Variants in TENM2 observed in about 807,000 individuals in gnomAD.
TENM2 encodes teneurin transmembrane protein 2.
A neutral mutation model predicts 245.2 loss-of-function variants in TENM2; 52 were observed. The ratio of observed to expected loss-of-function variants is 0.21; its 90% CI spans 0.17 to 0.27. The LOEUF (loss-of-function observed/expected upper bound fraction) is 0.27. Ranked by LOEUF, TENM2 falls within the 10% of genes least tolerant of loss-of-function variation. TENM2 has a pLI of 1.00. For missense variants in TENM2, 3,046 were observed against 3,666.8 expected (o/e 0.83, Z 4.37); for synonymous variants, 1,363 against 1,438.9 (o/e 0.95, Z 1.19).
At chr5:167,245,938 G>A in the TENM2 span, among the ~76,000 whole-genome samples, 1 of 152,230 alleles carries the variant, frequency 6.6e-6, no homozygotes, top group Non-Finnish European at 1.5e-5. Context: ...CCACTAAACT[G>A]GGGTACTCAG....
the TENM2 span, among the ~76,000 whole-genome samples, chr5:167,230,636 A>C: frequency 6.6e-6 from 1 of 152,056 alleles, no homozygotes; most frequent in African/African-American, 2.4e-5. Context: ...TATCCCCCCA[A>C]ATTTTGGTAT....
At chr5:167,965,456 C>A (rs1473503670) in intron 4 of TENM2, 1 of 152,058 alleles carries the variant, frequency 6.6e-6, no homozygotes, top group Non-Finnish European at 1.5e-5. Context: ...GTGGTTCATA[C>A]CTATAATCCC....
chr5:167,606,044 C>T (rs144568656), intron 2 of TENM2, among the ~76,000 whole-genome samples: 1 of 152,142 alleles, frequency 6.6e-6, no homozygotes, highest in Non-Finnish European at 1.5e-5. Flanking sequence ...CTTGTTAGAG[C>T]CCGGACTAAA....
intron 2 of TENM2, among the ~76,000 whole-genome samples, chr5:167,493,772 A>G (rs987782967): frequency 3.0e-4 from 46 of 152,116 alleles, no homozygotes; most frequent in African/African-American, 9.7e-4. Flanking sequence ...TTCGGCATAT[A>G]TGTTCATATA....
intron 9 of TENM2, among the ~76,000 whole-genome samples, chr5:168,111,405 G>A (rs1421054893): frequency 6.6e-6 from 1 of 152,114 alleles, no homozygotes; most frequent in African/African-American, 2.4e-5. Context: ...CAACTAAAGC[G>A]TCTGAGTACT....
chr5:167,486,913 G>T (rs575941497), intron 2 of TENM2, among the ~76,000 whole-genome samples: 1 of 152,230 alleles, frequency 6.6e-6, no homozygotes, highest in African/African-American at 2.4e-5. Context: ...AAAATCAAGT[G>T]AGCAATTATG....
intron 2 of TENM2, among the ~76,000 whole-genome samples, chr5:167,687,779 C>T (rs1757172149): frequency 6.6e-6 from 1 of 152,082 alleles, no homozygotes. Flanking sequence ...TCTCCTTTCC[C>T]TTTTTCTTTT....
At chr5:167,658,474 G>A (rs72821808) in intron 2 of TENM2, among the ~76,000 whole-genome samples, 4,675 of 152,126 alleles carry the variant, frequency 0.031, 131 homozygotes, top group Middle Eastern at 0.061. Context: ...TCCCAAAGTG[G>A]TGAAGCCTCT....
chr5:167,702,335 T>C (rs1431924121), intron 2 of TENM2, among the ~76,000 whole-genome samples: 6 of 152,006 alleles, frequency 3.9e-5, no homozygotes, highest in Non-Finnish European at 8.8e-5. Flanking sequence ...GGTTTTACTA[T>C]CATGTCTTTC....
At chr5:168,054,393 C>A (rs1442057484) in intron 6 of TENM2, among the ~76,000 whole-genome samples, 1 of 152,224 alleles carries the variant, frequency 6.6e-6, no homozygotes, top group Non-Finnish European at 1.5e-5. Flanking sequence ...TTAAACAGAA[C>A]CCTCAGATGG....
At chr5:167,404,389 G>A (rs779660012) in intron 2 of TENM2, among the ~76,000 whole-genome samples, 15 of 152,024 alleles carry the variant, frequency 9.9e-5, no homozygotes, top group Admixed American at 5.9e-4. Context: ...TCTTCATAAC[G>A]CTAGATACAG....
rs140531333 is a variant in TENM2, at chr5:167,862,621, A to T, written c.503-13365A>T. 4.2e-3 allele frequency among the ~76,000 whole-genome samples: 632 copies of T among 152,258 alleles called. 7 individuals carry two copies. The highest frequency in any genetic ancestry group is 0.014 in the African/African-American group (598 of 41,544). On this transcript the variant is annotated intron_variant, in intron 2 of 28. Transcript: ENST00000518659. ...CTTATGTCTTCAGCTGTCTGCCTTGATGCATAGTTTTCCCCGGAGAGTGTC... is the reference window on the plus strand; with the variant it reads ...CTTATGTCTTCAGCTGTCTGCCTTGTTGCATAGTTTTCCCCGGAGAGTGTC...
At chr5:167,926,768 C>T (rs988407690) in intron 3 of TENM2, among the ~76,000 whole-genome samples, 1 of 140,362 alleles carries the variant, frequency 7.1e-6, no homozygotes, top group Non-Finnish European at 1.6e-5. Context: ...ACACACAAGA[C>T]CTTAGTGTCT....
chr5:167,949,826 T>C (rs1437741816), intron 3 of TENM2, among the ~76,000 whole-genome samples: 1 of 152,190 alleles, frequency 6.6e-6, no homozygotes, highest in Non-Finnish European at 1.5e-5. Context: ...TGTATTGTAA[T>C]TGTCTTTTCC....
At chr5:166,996,771 A>G in the TENM2 span, among the ~76,000 whole-genome samples, 137,798 of 152,276 alleles carry the variant, frequency 0.9, 62,695 homozygotes, top group African/African-American at 0.92. Flanking sequence ...TTATGTAGCT[A>G]TTGGTTTTAC....
Position 168,162,682 on chromosome 5 carries a change from C to T in TENM2, c.2494C>T (p.Gln832Ter). 6.2e-7 allele frequency: 1 copy of T among 1,614,040 alleles called. No individual in the cohort carries two copies. The highest frequency in any genetic ancestry group is 8.5e-7 in the Non-Finnish European group (1 of 1,179,910). Residue 832 changes from glutamine (Q) to a stop codon, truncating the protein, a stop_gained, in exon 13 of 29, where the codon CAG becomes TAG. Transcript: ENST00000518659. LOFTEE classifies it high-confidence loss of function. ...TCAGAACAGCTGGCAGTGTGTCTGC[C>T]AGACCGGCTGGAGAGGGCCCGGATG...
At chr5:167,618,221 T>C (rs1777920023) in intron 2 of TENM2, among the ~76,000 whole-genome samples, 1 of 152,140 alleles carries the variant, frequency 6.6e-6, no homozygotes, top group Non-Finnish European at 1.5e-5. Flanking sequence ...CATTGCTAGC[T>C]TAGAGTTGAG....
intron 2 of TENM2, among the ~76,000 whole-genome samples, chr5:167,618,669 G>A (rs944171194): frequency 6.6e-6 from 1 of 152,018 alleles, no homozygotes; most frequent in Non-Finnish European, 1.5e-5. Context: ...CCTGTGTTTG[G>A]GGAGATGAAG....
chr5:168,151,012 C>T (rs1483975650), intron 12 of TENM2, among the ~76,000 whole-genome samples: 1 of 152,170 alleles, frequency 6.6e-6, no homozygotes, highest in African/African-American at 2.4e-5. Flanking sequence ...CTTGCCTCCC[C>T]TCTGTCAAGC....
Sources: gnomAD v4.1 joint callset for allele counts (sites outside exome capture counted in the v4.1 genomes callset) on GRCh38, gnomAD v4.1.1 for gene constraint, MANE v1.5 for transcripts, NCBI Gene and HGNC (gene_info 2026-07-23, HGNC 2026-07-21) for gene names.